Variants in PRPS2 observed in about 807,000 individuals in gnomAD.
PRPS2 encodes ribose-phosphate pyrophosphokinase 2.
For synonymous variants in PRPS2, 111 were observed against 115.3 expected, an observed-to-expected ratio of 0.96 and a Z score of 0.24; for missense variants, 104 against 271.5, an observed-to-expected ratio of 0.38 and a Z score of 4.34.
chrX:12,795,399 A>G (rs898178851), intron 1 of PRPS2, among the ~76,000 whole-genome samples: 3 of 111,805 alleles, frequency 2.7e-5, no homozygotes, highest in South Asian at 3.7e-4. Context: ...TCTCAGCTAT[A>G]TAATACTGTA....
At chrX:12,792,341 C>T (rs2042524113) in intron 1 of PRPS2, among the ~76,000 whole-genome samples, 1 of 112,364 alleles carries the variant, frequency 8.9e-6, no homozygotes, top group Non-Finnish European at 1.9e-5. Context: ...GGGCTCCCCT[C>T]TGCTCCCACT....
intron 4 of PRPS2, among the ~76,000 whole-genome samples, chrX:12,812,323 T>C (rs2042627887): frequency 1.8e-5 from 2 of 112,056 alleles, no homozygotes; most frequent in African/African-American, 6.5e-5. Context: ...TTTGTTACAA[T>C]GTAATTCAAA....
chrX:12,807,946 C>T (rs2147219124), intron 2 of PRPS2, among the ~76,000 whole-genome samples: 1 of 101,355 alleles, frequency 9.9e-6, no homozygotes, highest in South Asian at 5.0e-4. Flanking sequence ...CGGCTCACTG[C>T]AACCTCTGTC....
chrX:12,805,460 G>C (rs866266569), intron 2 of PRPS2, among the ~76,000 whole-genome samples: 1 of 112,011 alleles, frequency 8.9e-6, no homozygotes, highest in African/African-American at 3.2e-5. Context: ...TTTGTGGGCC[G>C]TTGGGTATCT....
At position 12,805,591 on chromosome X, in the gene PRPS2, A is replaced by G. The variant is rs940059653; in HGVS notation, c.307-3643A>G. Among the ~76,000 whole-genome samples, 3 of 112,436 alleles carry G rather than the reference A, an allele frequency of 2.7e-5. No individual in the cohort carries two copies. The Admixed American group carries it at 2.8e-4, about 11-fold the overall frequency. ...TGCACTGAAATATGAACCTCATATAATCTTCAGATGTCACAAAATATTGTT... is the reference window on the plus strand; with the variant it reads ...TGCACTGAAATATGAACCTCATATAGTCTTCAGATGTCACAAAATATTGTT... On this transcript the variant is annotated intron_variant, in intron 2 of 6. Transcript: ENST00000380668.
chrX:12,797,046 C>T (rs1379625190), intron 1 of PRPS2, among the ~76,000 whole-genome samples: 1 of 109,943 alleles, frequency 9.1e-6, no homozygotes, highest in East Asian at 2.8e-4. Context: ...TGGTAAAACA[C>T]TGACATGTAT....
chrX:12,815,770 A>C (rs1292580792), intron 4 of PRPS2, among the ~76,000 whole-genome samples: 1 of 110,918 alleles, frequency 9.0e-6, no homozygotes, highest in Non-Finnish European at 1.9e-5. Context: ...CAGCCTCCCA[A>C]GTAGCTGGGG....
intron 2 of PRPS2, among the ~76,000 whole-genome samples, chrX:12,808,288 CTGTGTG>C (rs60881280): frequency 9.8e-6 from 1 of 102,424 alleles, no homozygotes; most frequent in Admixed American, 1.1e-4. Flanking sequence ...CATGAATATA[CTGTGTG>C]TGTGTGTGTG....
At chrX:12,797,574 G>A (rs1035799324) in intron 1 of PRPS2, among the ~76,000 whole-genome samples, 4 of 111,248 alleles carry the variant, frequency 3.6e-5, no homozygotes, top group East Asian at 2.8e-4. Flanking sequence ...CTGCAGTCTC[G>A]GGATAAGAGG....
chrX:12,821,452 G>T (rs957244504), intron 6 of PRPS2, among the ~76,000 whole-genome samples: 7 of 109,179 alleles, frequency 6.4e-5, no homozygotes, highest in Admixed American at 9.8e-5. Flanking sequence ...GTCTGGGGGT[G>T]GGGGGGGCAG....
At chrX:12,797,250 C>T (rs933459275) in intron 1 of PRPS2, among the ~76,000 whole-genome samples, 2 of 109,637 alleles carry the variant, frequency 1.8e-5, no homozygotes, top group African/African-American at 6.7e-5. Context: ...CCGAGCTACT[C>T]GGGAGGCTGA....
In PRPS2 at chrX:12,822,902, A is replaced by G; in HGVS notation, c.*106A>G. On this transcript the variant is annotated 3_prime_UTR_variant, in exon 7 of 7. Coordinates refer to ENST00000380668, the MANE Select transcript of PRPS2 (RefSeq NM_002765.5). Reference sequence around the variant, plus strand: ...CAGCAATGATAGGTTAATCACTGGCAAAAGCATCAGATCTTTGTATATGCT... The same window carrying G: ...CAGCAATGATAGGTTAATCACTGGCGAAAGCATCAGATCTTTGTATATGCT... 1.8e-6 allele frequency: 1 copy of G among 562,627 alleles called. No individual in the cohort carries two copies. Among genetic ancestry groups the G allele is most frequent in the East Asian group, 3.5e-5 (1 of 28,323 alleles). The allele number at this position is 562,627 out of a possible 1,213,427, so 46.4% of individuals were successfully genotyped here.
chrX:12,795,790 T>C (rs955638901), intron 1 of PRPS2, among the ~76,000 whole-genome samples: 10 of 112,228 alleles, frequency 8.9e-5, no homozygotes, highest in Non-Finnish European at 1.1e-4. Context: ...ACATGAACTT[T>C]AGGGAACACA....
In PRPS2 at chrX:12,799,407, C is replaced by T; in HGVS notation, c.306+17C>T. On this transcript the variant is annotated intron_variant, in intron 2 of 6. Coordinates refer to ENST00000380668, the MANE Select transcript of PRPS2 (RefSeq NM_002765.5). Reference sequence around the variant, plus strand: ...AAGGACAAGGTAGGAGAGGTGTGTGCCCTAGAAACCTGCTGTGGGCCACTG... The same window carrying T: ...AAGGACAAGGTAGGAGAGGTGTGTGTCCTAGAAACCTGCTGTGGGCCACTG... The T allele has an allele frequency of 8.4e-7, 1 of 1,188,489 alleles. No homozygotes were observed. The highest frequency in any genetic ancestry group is 1.1e-6 in the Non-Finnish European group (1 of 880,288).
At chrX:12,792,435 C>G (rs62589389) in intron 1 of PRPS2, among the ~76,000 whole-genome samples, 22,497 of 111,285 alleles carry the variant, frequency 0.2, 1,815 homozygotes, top group Middle Eastern at 0.26. Context: ...CGCCGTGATT[C>G]GACTGTAACT....
intron 1 of PRPS2, among the ~76,000 whole-genome samples, chrX:12,795,967 G>A (rs746123362): frequency 2.7e-5 from 3 of 112,290 alleles, no homozygotes; most frequent in South Asian, 3.7e-4. Flanking sequence ...AGTAGAAGGC[G>A]TGCAAGAAGA....
At chrX:12,817,340 A>AT (rs1602416363) in intron 4 of PRPS2, among the ~76,000 whole-genome samples, 1 of 110,118 alleles carries the variant, frequency 9.1e-6, no homozygotes, top group Non-Finnish European at 1.9e-5. Context: ...CATTGCTAAG[A>AT]TTTTTTTAAG....
rs1178395410 is a variant in PRPS2 at position 12,823,428 on chromosome X, G to T, written c.*632G>T. 1 of 108,812 alleles carries T rather than the reference G, an allele frequency of 9.2e-6. No homozygotes were observed. The highest frequency in any genetic ancestry group is 1.9e-5 in the Non-Finnish European group (1 of 52,503). The allele number at this position is 108,812 out of a possible 1,213,427, so 9.0% of individuals were successfully genotyped here. A position where few individuals can be genotyped will look rare whatever the true frequency, so the allele number is the denominator to read the frequency against. On this transcript the variant is annotated 3_prime_UTR_variant, in exon 7 of 7. Transcript: ENST00000380668. The stretch of plus-strand genomic sequence containing the variant: ...TATGGACACTGACACATTTTGGGGG[G>T]TATACATTAGACATATCAGAGCAGT...
At chrX:12,791,765 G>C in intron 1 of PRPS2, 146 bp downstream of exon 1, 2 of 582,376 alleles carry the variant, frequency 3.4e-6, no homozygotes, top group Non-Finnish European at 4.2e-6. Context: ...CGGCCTCCGC[G>C]CCCCCGCGCC....
Sources: allele counts gnomAD v4.1 joint callset (sites outside exome capture counted in the v4.1 genomes callset), GRCh38; gene constraint gnomAD v4.1.1; transcripts MANE v1.5; gene names NCBI Gene and HGNC (gene_info 2026-07-23, HGNC 2026-07-21).